The following NTM variants were observed in gnomAD, a reference collection of about 807,000 sequenced individuals.
The protein encoded by NTM is neurotrimin, also known as IgLON family member 2.
A neutral mutation model predicts 42.1 loss-of-function variants in NTM; 13 were observed. The ratio of observed to expected loss-of-function variants is 0.31; its 90% CI spans 0.20 to 0.49. NTM has a LOEUF of 0.49. Among genes scored for constraint, NTM ranks in the 20% least tolerant of loss-of-function variants. The pLI is 0.99. For missense variants in NTM, 373 were observed against 452.8 expected (o/e 0.82, Z 1.60); for synonymous variants, 187 against 179.2 (o/e 1.04, Z -0.35).
intron 1 of NTM, among the ~76,000 whole-genome samples, chr11:131,510,258 C>A (rs906110902): frequency 2.0e-5 from 3 of 152,218 alleles, no homozygotes; most frequent in Non-Finnish European, 4.4e-5. Context: ...TGCAGCTCAT[C>A]CGCAGCGGGC....
chr11:131,888,032 G>A (rs759031211), intron 1 of NTM, among the ~76,000 whole-genome samples: 1 of 152,146 alleles, frequency 6.6e-6, no homozygotes, highest in Non-Finnish European at 1.5e-5. Context: ...CTGCTTTCCA[G>A]TAAAATATTT....
chr11:131,726,336 G>A (rs550889791), intron 1 of NTM, among the ~76,000 whole-genome samples: 1 of 145,174 alleles, frequency 6.9e-6, no homozygotes, highest in African/African-American at 2.9e-5. Flanking sequence ...GGTTGCACAA[G>A]TCAGTGTCTG....
intron 1 of NTM, among the ~76,000 whole-genome samples, chr11:131,810,521 G>A (rs1446963876): frequency 2.0e-5 from 3 of 152,210 alleles, no homozygotes; most frequent in East Asian, 3.8e-4. Context: ...CAGACTGATA[G>A]GAATGAGCAC....
At chr11:131,481,392 A>G (rs1953568589) in intron 1 of NTM, among the ~76,000 whole-genome samples, 1 of 152,234 alleles carries the variant, frequency 6.6e-6, no homozygotes, top group Admixed American at 6.5e-5. Flanking sequence ...GGCTTGGAGA[A>G]GGTGAGTCAT....
At chr11:131,673,982 T>C (rs1051125229) in intron 1 of NTM, among the ~76,000 whole-genome samples, 1 of 152,196 alleles carries the variant, frequency 6.6e-6, no homozygotes, top group African/African-American at 2.4e-5. Context: ...GGGGAGATAA[T>C]TGACTTCAGA....
At chr11:132,105,186 G>T (rs1310914241) in intron 2 of NTM, among the ~76,000 whole-genome samples, 2 of 151,090 alleles carry the variant, frequency 1.3e-5, no homozygotes, top group Admixed American at 1.3e-4. Flanking sequence ...GCTCCAACAC[G>T]CACAGCTGAA....
intron 3 of NTM, among the ~76,000 whole-genome samples, chr11:132,209,540 A>G (rs1472381682): frequency 6.6e-6 from 1 of 152,230 alleles, no homozygotes; most frequent in Non-Finnish European, 1.5e-5. Flanking sequence ...GCAAAAAACT[A>G]AAAAGTTAAA....
chr11:131,539,845 C>T (rs2052922050), intron 1 of NTM, among the ~76,000 whole-genome samples: 1 of 152,146 alleles, frequency 6.6e-6, no homozygotes, highest in South Asian at 2.1e-4. Context: ...ATGAGAGGCC[C>T]TATGTTATCT....
intron 6 of NTM, among the ~76,000 whole-genome samples, chr11:132,314,113 C>T (rs965375373): frequency 6.7e-6 from 1 of 149,436 alleles, no homozygotes; most frequent in South Asian, 2.1e-4. Context: ...CTTTCAAATT[C>T]CTCAGGTGGC....
At position 131,370,723 on chromosome 11, in the gene NTM, G is replaced by A. The variant is rs1206797767; in HGVS notation, c.-84G>A. 1.9e-5 allele frequency: 22 copies of A among 1,184,112 alleles called. No homozygotes were observed. The highest frequency in any genetic ancestry group is 2.4e-5 in the Non-Finnish European group (20 of 818,714). 73.4% of individuals were successfully genotyped at this position (1,184,112 alleles called of 1,614,324 possible). A position where few individuals can be genotyped will look rare whatever the true frequency, so the allele number is the denominator to read the frequency against. Reference sequence around the variant, plus strand: ...GATTTAAATCTCCTTGCACAAGCTTGAGAGCAACACAATCTATCAGGAAAG... The same window carrying A: ...GATTTAAATCTCCTTGCACAAGCTTAAGAGCAACACAATCTATCAGGAAAG... On this transcript the variant is annotated 5_prime_UTR_variant, in exon 1 of 9. The change abolishes the stop of an existing upstream ORF in the 5' untranslated region. Coordinates refer to ENST00000683400, the MANE Select transcript of NTM (RefSeq NM_001352005.2).
chr11:132,147,175 T>TTGTGTGTGTGTGTG (rs751528769), intron 3 of NTM, among the ~76,000 whole-genome samples: 12 of 123,580 alleles, frequency 9.7e-5, no homozygotes, highest in Admixed American at 2.5e-4. Flanking sequence ...CCTTGTATGT[T>TTGTGTGTGTGTGTG]TGTGTGTGTG....
intron 1 of NTM, among the ~76,000 whole-genome samples, chr11:131,710,829 G>A (rs992987181): frequency 1.3e-5 from 2 of 152,128 alleles, no homozygotes; most frequent in South Asian, 4.2e-4. Context: ...AGGCATTTGT[G>A]GGTTACCTAG....
At chr11:131,891,093 T>C (rs185316652) in intron 1 of NTM, among the ~76,000 whole-genome samples, 3 of 152,304 alleles carry the variant, frequency 2.0e-5, no homozygotes, top group African/African-American at 7.2e-5. Context: ...ATGAGTCTTT[T>C]CATCTATCAA....
chr11:131,513,697 A>G (rs1591893954), intron 1 of NTM, among the ~76,000 whole-genome samples: 1 of 152,210 alleles, frequency 6.6e-6, no homozygotes, highest in Non-Finnish European at 1.5e-5. Context: ...GTGTGATAAT[A>G]TTGATTATAC....
intron 2 of NTM, among the ~76,000 whole-genome samples, chr11:132,096,273 G>C (rs74803254): frequency 6.6e-6 from 1 of 152,084 alleles, no homozygotes; most frequent in South Asian, 2.1e-4. Context: ...TGTTGTAATT[G>C]GCCGGGCATT....
chr11:131,922,562 A>G (rs1378956139), intron 2 of NTM, among the ~76,000 whole-genome samples: 1 of 152,074 alleles, frequency 6.6e-6, no homozygotes, highest in Non-Finnish European at 1.5e-5. Flanking sequence ...CTAATTCACC[A>G]CTAAATTCTG....
At chr11:131,971,111 A>G (rs1035207999) in intron 2 of NTM, among the ~76,000 whole-genome samples, 1 of 152,192 alleles carries the variant, frequency 6.6e-6, no homozygotes, top group Non-Finnish European at 1.5e-5. Context: ...ATGGGACTCC[A>G]CAGGCTTAAT....
chr11:131,635,615 CTAAAGT>C (rs2064265589), intron 1 of NTM, among the ~76,000 whole-genome samples: 1 of 151,960 alleles, frequency 6.6e-6, no homozygotes, highest in East Asian at 1.9e-4. Context: ...ACAAGTTGAG[CTAAAGT>C]TAATTTATTA....
In NTM at chr11:132,222,051, G is replaced by A. The variant is rs142127591; in HGVS notation, c.526+9904G>A. 1.2e-3 allele frequency among the ~76,000 whole-genome samples: 189 copies of A among 152,180 alleles called. 3 individuals carry two copies. The East Asian group carries it at 0.024, about 19-fold the overall frequency. On this transcript the variant is annotated intron_variant, in intron 4 of 8. Transcript: ENST00000683400. ...TCACAGCATTCTTACAAATTTACCC[G>A]CACCTGTGTCATCGCGCTGGACTCC...
Sources: gnomAD v4.1 joint callset for allele counts (sites outside exome capture counted in the v4.1 genomes callset) on GRCh38, gnomAD v4.1.1 for gene constraint, MANE v1.5 for transcripts, NCBI Gene and HGNC (gene_info 2026-07-23, HGNC 2026-07-21) for gene names.